The following STARD13 variants were observed in gnomAD, a reference collection of about 807,000 sequenced individuals.
STARD13 encodes stAR-related lipid transfer protein 13.
A neutral mutation model predicts 106.4 loss-of-function variants in STARD13; 62 were observed. The observed-to-expected ratio is 0.58, with a 90% CI of 0.48 to 0.72. The LOEUF (loss-of-function observed/expected upper bound fraction) is 0.72. STARD13 is among the 30% of genes least tolerant of loss of function. The pLI, the probability that STARD13 is intolerant of heterozygous loss-of-function variation, is 0.00. For synonymous variants in STARD13, 565 were observed against 553.0 expected (o/e 1.02, Z -0.31); for missense variants, 1,387 against 1,424.0 (o/e 0.97, Z 0.42).
the STARD13 span, among the ~76,000 whole-genome samples, chr13:33,370,588 ACTTT>A: frequency 6.7e-6 from 1 of 148,528 alleles, no homozygotes; most frequent in Non-Finnish European, 1.5e-5. Context: ...CCTTTGACAT[ACTTT>A]CTTTTCTTTT....
At chr13:33,468,987 AG>A in the STARD13 span, among the ~76,000 whole-genome samples, 15 of 152,264 alleles carry the variant, frequency 9.9e-5, no homozygotes, top group East Asian at 2.9e-3. Context: ...ATTGCACAAA[AG>A]TGAGCCACTA....
chr13:33,526,144 C>A, the STARD13 span, among the ~76,000 whole-genome samples: 1 of 151,470 alleles, frequency 6.6e-6, no homozygotes, highest in South Asian at 2.1e-4. Flanking sequence ...TTTTTACAGG[C>A]GTGAGCCACT....
the STARD13 span, among the ~76,000 whole-genome samples, chr13:33,625,298 G>A: frequency 6.6e-6 from 1 of 152,200 alleles, no homozygotes. Flanking sequence ...AAGTCCGGGT[G>A]TGGTGGCTCA....
chr13:33,309,523 C>T (rs1049721113), intron 1 of STARD13, among the ~76,000 whole-genome samples: 2 of 152,266 alleles, frequency 1.3e-5, no homozygotes, highest in South Asian at 4.2e-4. Flanking sequence ...TTTCAAAGCA[C>T]AGAGTTCGCT....
the STARD13 span, among the ~76,000 whole-genome samples, chr13:33,645,491 C>T: frequency 6.6e-6 from 1 of 152,128 alleles, no homozygotes; most frequent in Non-Finnish European, 1.5e-5. Context: ...TTCTGTTACA[C>T]AGAAACAGAT....
At chr13:33,640,611 A>G in the STARD13 span, among the ~76,000 whole-genome samples, 26 of 152,182 alleles carry the variant, frequency 1.7e-4, no homozygotes, top group African/African-American at 4.8e-4. Context: ...ATCTCATTCT[A>G]TCAATTACTT....
the STARD13 span, among the ~76,000 whole-genome samples, chr13:33,361,140 C>T: frequency 2.0e-5 from 3 of 150,744 alleles, no homozygotes; most frequent in Non-Finnish European, 4.4e-5. Flanking sequence ...ACTGAGTGTG[C>T]CTGCCTCCCC....
At chr13:33,507,164 C>A in the STARD13 span, among the ~76,000 whole-genome samples, 1 of 152,102 alleles carries the variant, frequency 6.6e-6, no homozygotes, top group Non-Finnish European at 1.5e-5. Flanking sequence ...TTCTCTTTCA[C>A]CCAAAACAAA....
chr13:33,638,749 C>T, the STARD13 span, among the ~76,000 whole-genome samples: 2 of 152,174 alleles, frequency 1.3e-5, no homozygotes, highest in East Asian at 1.9e-4. Context: ...CTTCGCAGTA[C>T]GTCCTGAACT....
intron 1 of STARD13, among the ~76,000 whole-genome samples, chr13:33,199,836 T>C (rs1056141145): frequency 1.3e-5 from 2 of 152,200 alleles, no homozygotes; most frequent in Non-Finnish European, 2.9e-5. Context: ...TCCTTAGGCA[T>C]GTCTCGTAAT....
chr13:33,368,548 G>GCAC, the STARD13 span, among the ~76,000 whole-genome samples: 342 of 152,180 alleles, frequency 2.2e-3, no homozygotes, highest in African/African-American at 7.7e-3. Flanking sequence ...AGCAGCAGCA[G>GCAC]CACCACCACC....
At chr13:33,316,030 G>T (rs1229459918) in intron 1 of STARD13, among the ~76,000 whole-genome samples, 1 of 152,164 alleles carries the variant, frequency 6.6e-6, no homozygotes, top group Non-Finnish European at 1.5e-5. Flanking sequence ...CAGATCTATG[G>T]AAGCATTGAG....
chr13:33,219,694 A>G (rs983843410), intron 1 of STARD13, among the ~76,000 whole-genome samples: 2 of 151,368 alleles, frequency 1.3e-5, no homozygotes, highest in African/African-American at 4.9e-5. Context: ...AGTCCTAGCT[A>G]CTTGGGAGGC....
chr13:33,453,610 T>G, the STARD13 span, among the ~76,000 whole-genome samples: 1 of 152,196 alleles, frequency 6.6e-6, no homozygotes, highest in Non-Finnish European at 1.5e-5. Flanking sequence ...ATAGTAATAA[T>G]AACATAGAGC....
the STARD13 span, among the ~76,000 whole-genome samples, chr13:33,543,415 T>C: frequency 6.6e-6 from 1 of 152,350 alleles, no homozygotes; most frequent in African/African-American, 2.4e-5. Flanking sequence ...ACGTTTCTTT[T>C]AGATAATCAG....
At chr13:33,343,362 CCCAGGAGTTTGAGA>C (rs956362012) in intron 1 of STARD13, among the ~76,000 whole-genome samples, 2 of 150,958 alleles carry the variant, frequency 1.3e-5, no homozygotes, top group Non-Finnish European at 1.5e-5. Context: ...ATTGTTTGAG[CCCAGGAGTTTGAGA>C]CCAGACTGGT....
At chr13:33,289,892 CTT>C (rs1892226649), upstream of STARD13, among the ~76,000 whole-genome samples, 1 of 147,974 alleles carries the variant, frequency 6.8e-6, no homozygotes, top group Non-Finnish European at 1.5e-5. Context: ...GCTTGACCCT[CTT>C]TGCCAATCCT....
the STARD13 span, among the ~76,000 whole-genome samples, chr13:33,604,184 T>C: frequency 1.7e-4 from 26 of 152,100 alleles, no homozygotes; most frequent in Non-Finnish European, 3.4e-4. Context: ...TACCAAGAAA[T>C]GGTGAAGAAA....
chr13:33,130,350 G>C lies in STARD13; in HGVS notation c.388-61C>G. On this transcript the variant is annotated intron_variant, in intron 4 of 13. Transcript: ENST00000336934. The surrounding 1 kb of genome is among the most constrained non-coding windows in gnomAD (Gnocchi z 4.1). Reference sequence around the variant, plus strand: ...AGCGTGGCTGAAGCAGGAACTCTGGGTGCTCTGAGGGCAGCCCTGTGTGGT... The same window carrying C: ...AGCGTGGCTGAAGCAGGAACTCTGGCTGCTCTGAGGGCAGCCCTGTGTGGT... 1 of 1,525,486 alleles carries C rather than the reference G, an allele frequency of 6.6e-7. No individual in the cohort carries two copies. Among genetic ancestry groups the C allele is most frequent in the African/African-American group, 1.4e-5 (1 of 73,844 alleles). 94.5% of individuals were successfully genotyped at this position (1,525,486 alleles called of 1,614,324 possible). A position where few individuals can be genotyped will look rare whatever the true frequency, so the allele number is the denominator to read the frequency against.
Sources: allele counts gnomAD v4.1 joint callset (sites outside exome capture counted in the v4.1 genomes callset), GRCh38; gene constraint gnomAD v4.1.1; non-coding constraint Gnocchi (gnomAD v3.1); transcripts MANE v1.5; gene names NCBI Gene and HGNC (gene_info 2026-07-23, HGNC 2026-07-21).